The following ARHGAP45 variants were observed in gnomAD, a reference collection of about 807,000 sequenced individuals.
The protein encoded by ARHGAP45 is rho GTPase-activating protein 45.
Under a neutral mutation model 116.1 loss-of-function variants are expected in ARHGAP45, and 56 were observed. That is an observed-to-expected ratio of 0.48 (90% CI 0.39 to 0.60). The LOEUF (loss-of-function observed/expected upper bound fraction) is 0.60. ARHGAP45 is among the 20% of genes least tolerant of loss of function. The pLI, the probability that ARHGAP45 is intolerant of heterozygous loss-of-function variation, is 0.00. For missense variants in ARHGAP45, 1,622 were observed against 1,601.0 expected (o/e 1.01, Z -0.22); for synonymous variants, 866 against 701.7 (o/e 1.23, Z -3.70).
chr19:1,069,724 G>A lies in ARHGAP45; in HGVS notation c.421+980G>A, dbSNP rs1175747684. ...GAAACCCTAATCTCGGTTCCTTTCC[G>A]ATCCTGGCGCTTCCTTGGAGGCCTG... On this transcript the variant is annotated intron_variant, in intron 2 of 22. Coordinates refer to ENST00000313093, the MANE Select transcript of ARHGAP45 (RefSeq NM_012292.5). This position sits in a 1 kb window ranked among gnomAD's most constrained non-coding sequence, Gnocchi z 4.1. Among the ~76,000 whole-genome samples, 3 of 152,062 alleles carry A rather than the reference G, an allele frequency of 2.0e-5. No individual in the cohort carries two copies. The highest frequency in any genetic ancestry group is 1.9e-4 in the East Asian group (1 of 5,182).
rs956777428 is a variant in ARHGAP45 at position 1,078,084 on chromosome 19, G to C, written c.1374+39G>C. 3.3e-6 allele frequency: 5 copies of C among 1,528,054 alleles called. No homozygotes were observed. The Admixed American group carries it at 1.0e-4, about 31-fold the overall frequency. The allele number at this position is 1,528,054 out of a possible 1,614,324, so 94.7% of individuals were successfully genotyped here. On this transcript the variant is annotated intron_variant, in intron 11 of 22. Coordinates refer to ENST00000313093, the MANE Select transcript of ARHGAP45 (RefSeq NM_012292.5). Reference sequence around the variant, plus strand: ...GAGGCAGGGCTGGAGGTCCCTGGAGGAGGAGATCCAATGCTTGGTGTGACA... The same window carrying C: ...GAGGCAGGGCTGGAGGTCCCTGGAGCAGGAGATCCAATGCTTGGTGTGACA...
chr19:1,084,405 G>A lies in ARHGAP45; in HGVS notation c.3064+59G>A, dbSNP rs550721243. ...AGGCTGGCGTGTGCCACCCATGGGC[G>A]CAGGTGCCATGACCTAGTTGTACAC... On this transcript the variant is annotated intron_variant, in intron 22 of 22. Transcript: ENST00000313093. The A allele has an allele frequency of 1.0e-4, 135 of 1,343,934 alleles. 1 individual carries two copies. The highest frequency in any genetic ancestry group is 7.8e-4 in the Middle Eastern group (3 of 3,868). The allele number at this position is 1,343,934 out of a possible 1,614,324, so 83.3% of individuals were successfully genotyped here.
chr19:1,068,632 G>A lies in ARHGAP45; in HGVS notation c.309G>A (p.Leu103=), dbSNP rs897063397. ...SPLTAASPGE[L]PTEGAGPDVV... is the part of the protein sequence containing the mutation. ...TGACAGCCGCCAGCCCGGGCGAGCT[G>A]CCCACCGAGGGTGCCGGCCCGGACG... is the stretch of plus-strand genomic sequence containing the variant. The change falls in exon 2 of 23, where the codon CTG becomes CTA. Residue 103 remains leucine, a synonymous_variant. Transcript: ENST00000313093. The surrounding 1 kb of genome is among the most constrained non-coding windows in gnomAD (Gnocchi z 7.5). 12 of 1,612,122 alleles carry A rather than the reference G, an allele frequency of 7.4e-6. No individual in the cohort carries two copies. Among genetic ancestry groups the A allele is most frequent in the Non-Finnish European group, 9.3e-6 (11 of 1,179,766 alleles).
rs144974710 is a variant in ARHGAP45 at position 1,082,851 on chromosome 19, G to C, written c.2529G>C (p.Pro843=). The C allele has an allele frequency of 3.5e-5, 54 of 1,522,922 alleles. No homozygotes were observed. The highest frequency in any genetic ancestry group is 4.5e-5 in the Non-Finnish European group (51 of 1,135,266). 94.3% of individuals were successfully genotyped at this position (1,522,922 alleles called of 1,614,324 possible). A position where few individuals can be genotyped will look rare whatever the true frequency, so the allele number is the denominator to read the frequency against. Residue 843 remains proline, a synonymous_variant, in exon 20 of 23, where the codon CCG becomes CCC. Transcript: ENST00000313093. ...TTGACTCTGCGCAGCTTCCCGAGCC[G>C]CTCATCTCCTTCCGCCTCTACCACG... ...LKLYLRQLPE[P]LISFRLYHEL...
In ARHGAP45 at chr19:1,085,530, C is replaced by T. The variant is rs1436303348; in HGVS notation, c.3065-130C>T. ...TCTCCTCCATCTCTCCTGTCTCTCCCCATCTCTCCTGTCTCTCCATCTCTC... is the reference window on the plus strand; with the variant it reads ...TCTCCTCCATCTCTCCTGTCTCTCCTCATCTCTCCTGTCTCTCCATCTCTC... On this transcript the variant is annotated intron_variant, in intron 22 of 22. Coordinates refer to ENST00000313093, the MANE Select transcript of ARHGAP45 (RefSeq NM_012292.5). The T allele has an allele frequency of 4.9e-6, 3 of 618,266 alleles. 1 individual carries two copies. In the South Asian group the frequency reaches 6.0e-5, roughly 12 times the overall value. The allele number at this position is 618,266 out of a possible 1,614,324, so 38.3% of individuals were successfully genotyped here.
Position 1,073,590 on chromosome 19 carries a change from C to T in ARHGAP45, c.650C>T (p.Thr217Ile), listed in dbSNP as rs1310299095. The T allele has an allele frequency of 9.9e-6, 16 of 1,613,748 alleles. No individual in the cohort carries two copies. The highest frequency in any genetic ancestry group is 3.3e-5 in the Admixed American group (2 of 59,988). The stretch of plus-strand genomic sequence containing the variant: ...ACGATTGCTGTGGCCTTCAGTAGCA[C>T]GTGAGCACGGGAGCCTGTGGGGCAG... ...LETIAVAFSS[T>I]VSEFLMGEVD... Residue 217 changes from threonine (T) to isoleucine (I), a missense_variant and splice_region_variant, in exon 4 of 23, where the codon ACA becomes ATA. By Grantham distance (89) the Thr-to-Ile change is moderately conservative (BLOSUM62 -1). Around this residue, in one of 3 missense-constraint regions of ARHGAP45, gnomAD observed 279 missense variants for 311.9 expected, o/e 0.89. Transcript: ENST00000313093.
Position 1,084,356 on chromosome 19 carries a change from T to C in ARHGAP45, c.3064+10T>C, listed in dbSNP as rs770260198. 7 of 1,599,028 alleles carry C rather than the reference T, an allele frequency of 4.4e-6. No homozygotes were observed. The East Asian group carries it at 1.6e-4, about 36-fold the overall frequency. ...GCGGACGGGTGCAGAGGTGAGTGTGTGGCTGCCCGAACGGCCCCAAGGGAG... is the reference window on the plus strand; with the variant it reads ...GCGGACGGGTGCAGAGGTGAGTGTGCGGCTGCCCGAACGGCCCCAAGGGAG... On this transcript the variant is annotated intron_variant, in intron 22 of 22. Coordinates refer to ENST00000313093, the MANE Select transcript of ARHGAP45 (RefSeq NM_012292.5).
Position 1,086,408 on chromosome 19 carries a change from A to AG in ARHGAP45, c.*403dup, listed in dbSNP as rs2043654881. On this transcript the variant is annotated 3_prime_UTR_variant, in exon 23 of 23. Coordinates refer to ENST00000313093, the MANE Select transcript of ARHGAP45 (RefSeq NM_012292.5). ...CTCACAGGTCTGTTGCAGGGACTCC[A>AG]GAAACCATTCTGGGAGCCGTGGATG... The AG allele has an allele frequency of 5.4e-6, 1 of 185,182 alleles. No individual in the cohort carries two copies. Among genetic ancestry groups the AG allele is most frequent in the Non-Finnish European group, 1.1e-5 (1 of 87,472 alleles). The allele number at this position is 185,182 out of a possible 1,614,324, so 11.5% of individuals were successfully genotyped here.
At position 1,073,740 on chromosome 19, in the gene ARHGAP45, G is replaced by A. The variant is rs753997224; in HGVS notation, c.717G>A (p.Ser239=). Residue 239 remains serine (S), a synonymous_variant, in exon 5 of 23, where the codon TCG becomes TCA. Coordinates refer to ENST00000313093, the MANE Select transcript of ARHGAP45 (RefSeq NM_012292.5). ...TCCTAGCAGTGCCTCCTGGGGACTC[G>A]AGCCAGGTGAGTGGGGTGGGCCAGG... ...STLLAVPPGD[S]SQSMESLYGP... 20 of 1,589,006 alleles carry A rather than the reference G, an allele frequency of 1.3e-5. No individual in the cohort carries two copies. The highest frequency in any genetic ancestry group is 2.3e-5 in the East Asian group (1 of 43,674).
chr19:1,075,465 G>A (rs2043227804), intron 10 of ARHGAP45, among the ~76,000 whole-genome samples: 3 of 151,950 alleles, frequency 2.0e-5, no homozygotes, highest in African/African-American at 7.3e-5. Flanking sequence ...GGCTGGTCTC[G>A]AACTCCTGAC....
At position 1,081,658 on chromosome 19, in the gene ARHGAP45, G is replaced by A; in HGVS notation, c.2299G>A (p.Ala767Thr). 8 of 1,582,426 alleles carry A rather than the reference G, an allele frequency of 5.1e-6. No homozygotes were observed. In the South Asian group the frequency reaches 6.9e-5, roughly 14 times the overall value. ...QLFGQDFSHAARSAPDGVPFI... is the reference protein window; with the variant it reads ...QLFGQDFSHATRSAPDGVPFI... Reference sequence around the variant, plus strand: ...GTTCGGCCAGGACTTCAGCCACGCGGCCCGCAGCGCCCCCGACGGCGTGCC... The same window carrying A: ...GTTCGGCCAGGACTTCAGCCACGCGACCCGCAGCGCCCCCGACGGCGTGCC... Residue 767 changes from alanine (A) to threonine (T), a missense_variant, in exon 18 of 23, where the codon GCC becomes ACC. Ala to Thr is a moderately conservative substitution (Grantham distance 58). Transcript: ENST00000313093.
At chr19:1,072,032 T>TTTCTTTCC (rs2043150193) in intron 2 of ARHGAP45, among the ~76,000 whole-genome samples, 1 of 150,170 alleles carries the variant, frequency 6.7e-6, no homozygotes, top group African/African-American at 2.4e-5. Flanking sequence ...CTTTCCTTCT[T>TTTCTTTCC]TTCTTTTCTT....
chr19:1,078,039 G>A lies in ARHGAP45; in HGVS notation c.1368G>A (p.Lys456=), dbSNP rs765349469. The change falls in exon 11 of 23, where the codon AAG becomes AAA. Residue 456 remains lysine, a synonymous_variant. Coordinates refer to ENST00000313093, the MANE Select transcript of ARHGAP45 (RefSeq NM_012292.5). The stretch of plus-strand genomic sequence containing the variant: ...GGCGGCGGCTGGAGGAGGAGGCCAA[G>A]AACAAGGTGAGGGCGGGTGGAGGCA... ...DKRRRLEEEA[K]NKAEEAMATY... is the part of the protein sequence containing the mutation. 4 of 1,553,166 alleles carry A rather than the reference G, an allele frequency of 2.6e-6. No homozygotes were observed. The African/African-American group carries it at 4.1e-5, about 16-fold the overall frequency.
chr19:1,067,371 G>T lies in ARHGAP45; in HGVS notation c.-35G>T. On this transcript the variant is annotated 5_prime_UTR_variant, in exon 1 of 23. Coordinates refer to ENST00000313093, the MANE Select transcript of ARHGAP45 (RefSeq NM_012292.5). ...GGGAGCTGCAGCGCTGAGACCCCCA[G>T]CCCGCCCCCTCGGGCTCCCGGCCGG... The T allele has an allele frequency of 6.5e-7, 1 of 1,533,212 alleles. No homozygotes were observed. Among genetic ancestry groups the T allele is most frequent in the Middle Eastern group, 1.8e-4 (1 of 5,466 alleles). 95.0% of individuals were successfully genotyped at this position (1,533,212 alleles called of 1,614,324 possible). A position where few individuals can be genotyped will look rare whatever the true frequency, so the allele number is the denominator to read the frequency against.
At chr19:1,085,529 C>CCCATCTCTCCTGTCTCTCCT (rs2043591741) in intron 22 of ARHGAP45, 131 bp from the exon 23 acceptor site, 24 of 643,490 alleles carry the variant, frequency 3.7e-5, no homozygotes, top group African/African-American at 4.0e-5. Context: ...CCTGTCTCTC[C>CCCATCTCTCCTGTCTCTCCT]CCATCTCTCC....
At position 1,069,070 on chromosome 19, in the gene ARHGAP45, G is replaced by A. The variant is rs2043092336; in HGVS notation, c.421+326G>A. ...GAATGCATTTGGGGGCCAAGGTGTG[G>A]GGTGCCGCTGGTGTAGGATGAAGGC... On this transcript the variant is annotated intron_variant, in intron 2 of 22. Coordinates refer to ENST00000313093, the MANE Select transcript of ARHGAP45 (RefSeq NM_012292.5). This position sits in a 1 kb window ranked among gnomAD's most constrained non-coding sequence, Gnocchi z 4.1. Among the ~76,000 whole-genome samples the A allele has an allele frequency of 6.6e-6, 1 of 152,172 alleles. No individual in the cohort carries two copies. The highest frequency in any genetic ancestry group is 1.5e-5 in the Non-Finnish European group (1 of 68,024).
chr19:1,083,029 C>G lies in ARHGAP45; in HGVS notation c.2707C>G (p.Arg903Gly). Residue 903 changes from arginine (R) to glycine (G), a missense_variant, in exon 20 of 23, where the codon CGG becomes GGG. Coordinates refer to ENST00000313093, the MANE Select transcript of ARHGAP45 (RefSeq NM_012292.5). ...CCTGCGGGACCTGCCGCCTGAGAAC[C>G]GGGCCTCGCTGCAGTACCTGCTGCG... ...ELLRDLPPEN[R>G]ASLQYLLRHL... The G allele has an allele frequency of 6.5e-7, 1 of 1,544,688 alleles. No homozygotes were observed. Among genetic ancestry groups the G allele is most frequent in the Non-Finnish European group, 8.7e-7 (1 of 1,149,984 alleles).
At chr19:1,075,236 CT>C (rs551827897) in intron 10 of ARHGAP45, among the ~76,000 whole-genome samples, 53 of 131,010 alleles carry the variant, frequency 4.0e-4, no homozygotes, top group Admixed American at 3.9e-4. Flanking sequence ...TGCATGTATT[CT>C]TTTTTTTTTT....
rs954103655 is a variant in ARHGAP45, at chr19:1,067,380, C to T, written c.-26C>T. On this transcript the variant is annotated 5_prime_UTR_variant, in exon 1 of 23. Coordinates refer to ENST00000313093, the MANE Select transcript of ARHGAP45 (RefSeq NM_012292.5). ...AGCGCTGAGACCCCCAGCCCGCCCC[C>T]TCGGGCTCCCGGCCGGGGCCCCATC... 2.6e-6 allele frequency: 4 copies of T among 1,542,448 alleles called. No individual in the cohort carries two copies. The Admixed American group carries it at 8.4e-5, about 32-fold the overall frequency.
Sources: allele counts gnomAD v4.1 joint callset (sites outside exome capture counted in the v4.1 genomes callset), GRCh38; gene constraint gnomAD v4.1.1; regional missense constraint gnomAD v4.1.1; non-coding constraint Gnocchi (gnomAD v3.1); transcripts MANE v1.5; gene names NCBI Gene and HGNC (gene_info 2026-07-23, HGNC 2026-07-21).